NR5A2: variants seen among roughly 807,000 people sequenced by gnomAD.
The protein encoded by NR5A2 is nuclear receptor subfamily 5 group A member 2, also known as CYP7A promoter-binding factor.
In NR5A2, 26 loss-of-function variants were observed where a neutral mutation model predicts 62.7. The ratio of observed to expected loss-of-function variants is 0.41; its 90% confidence interval spans 0.30 to 0.58. The LOEUF (loss-of-function observed/expected upper bound fraction) is 0.58, where lower values mean the gene tolerates loss of function less well. Ranked by LOEUF, NR5A2 falls within the 20% of genes least tolerant of loss-of-function variation. NR5A2 has a pLI of 0.22. For missense variants in NR5A2, 541 were observed against 669.1 expected (o/e 0.81, Z 2.11); for synonymous variants, 246 against 241.7 (o/e 1.02, Z -0.16).
At chr1:200,041,378 G>A (rs1662073679) in intron 2 of NR5A2, among the ~76,000 whole-genome samples, 1 of 152,174 alleles carries the variant, frequency 6.6e-6, no homozygotes, top group Admixed American at 6.5e-5. Flanking sequence ...CCCATGGTTC[G>A]AAATCAGCAT....
At chr1:200,037,586 T>C (rs1661838221) in intron 1 of NR5A2, among the ~76,000 whole-genome samples, 1 of 152,186 alleles carries the variant, frequency 6.6e-6, no homozygotes, top group Admixed American at 6.5e-5. Context: ...TTTTCTTAGT[T>C]CTCAGTGATA....
intron 7 of NR5A2, among the ~76,000 whole-genome samples, chr1:200,168,047 A>G (rs977145989): frequency 6.6e-6 from 1 of 152,132 alleles, no homozygotes; most frequent in Non-Finnish European, 1.5e-5. Context: ...CTGAATGAAT[A>G]AATGAATGAA....
At chr1:200,170,558 T>C (rs1436166692) in intron 7 of NR5A2, among the ~76,000 whole-genome samples, 1 of 152,198 alleles carries the variant, frequency 6.6e-6, no homozygotes, top group African/African-American at 2.4e-5. Context: ...CTTCCATTGC[T>C]TTTAGGTCCT....
chr1:200,051,551 C>T (rs891210510), intron 5 of NR5A2, among the ~76,000 whole-genome samples: 6 of 152,092 alleles, frequency 3.9e-5, no homozygotes, highest in Non-Finnish European at 8.8e-5. Flanking sequence ...GAAAAAAGTA[C>T]AAACGTGAGG....
intron 7 of NR5A2, among the ~76,000 whole-genome samples, chr1:200,133,902 T>C (rs1667099750): frequency 6.6e-6 from 1 of 152,020 alleles, no homozygotes; most frequent in Non-Finnish European, 1.5e-5. Context: ...TGGGACAAGA[T>C]ATGGAGGTGG....
At chr1:200,173,068 C>G (rs964003653) in intron 7 of NR5A2, among the ~76,000 whole-genome samples, 1 of 152,102 alleles carries the variant, frequency 6.6e-6, no homozygotes, top group African/African-American at 2.4e-5. Context: ...TGCCTATTGT[C>G]TGTGTGTGTG....
intron 7 of NR5A2, among the ~76,000 whole-genome samples, chr1:200,156,933 G>A (rs930388098): frequency 3.3e-5 from 5 of 152,104 alleles, no homozygotes; most frequent in Non-Finnish European, 5.9e-5. Context: ...TAACCCCATC[G>A]TAAGTTGGAG....
chr1:200,076,408 ATTGT>A (rs1421215540), intron 5 of NR5A2, among the ~76,000 whole-genome samples: 1 of 151,676 alleles, frequency 6.6e-6, no homozygotes, highest in Non-Finnish European at 1.5e-5. Context: ...CCCAAATGAA[ATTGT>A]TTGTGGATGG....
intron 5 of NR5A2, among the ~76,000 whole-genome samples, chr1:200,069,879 C>T (rs79779092): frequency 6.6e-6 from 1 of 151,710 alleles, no homozygotes; most frequent in African/African-American, 2.4e-5. Context: ...CAATATTACA[C>T]GTGTCCATGA....
intron 7 of NR5A2, among the ~76,000 whole-genome samples, chr1:200,123,959 A>C (rs1324412653): frequency 6.6e-6 from 1 of 151,394 alleles, no homozygotes; most frequent in Non-Finnish European, 1.5e-5. Flanking sequence ...CTGCCACCAC[A>C]CCTGGCTAAT....
At chr1:200,080,120 T>A (rs1664229091) in intron 5 of NR5A2, among the ~76,000 whole-genome samples, 1 of 152,138 alleles carries the variant, frequency 6.6e-6, no homozygotes, top group Non-Finnish European at 1.5e-5. Flanking sequence ...AACAGACAGT[T>A]GGAAAAAGGT....
At chr1:200,027,991 C>A in intron 1 of NR5A2, 80 bp downstream of exon 1, 2 of 953,120 alleles carry the variant, frequency 2.1e-6, no homozygotes, top group Non-Finnish European at 3.1e-6. Flanking sequence ...ATGGATTTTG[C>A]ATTTTAAGTC....
At chr1:200,038,807 G>C (rs765788790) in intron 1 of NR5A2, 3 of 1,282,898 alleles carry the variant, frequency 2.3e-6, no homozygotes, top group Non-Finnish European at 3.1e-6. Flanking sequence ...CCCCCGCCCC[G>C]GGCCAGGGTG....
rs753174754 is a variant in NR5A2, at chr1:200,048,423, C to A, written c.715C>A (p.Pro239Thr). 6.2e-7 allele frequency: 1 copy of A among 1,614,186 alleles called. No homozygotes were observed. The highest frequency in any genetic ancestry group is 2.2e-5 in the East Asian group (1 of 44,890). ...ALPPTDYDRS[P>T]FVTSPISMTM... ...GCCTCCTACAGACTATGACAGAAGTCCCTTTGTAACATCCCCCATTAGCAT... is the reference window on the plus strand; with the variant it reads ...GCCTCCTACAGACTATGACAGAAGTACCTTTGTAACATCCCCCATTAGCAT... Residue 239 changes from proline (P) to threonine (T), a missense_variant, in exon 5 of 8, where the codon CCC (proline) becomes ACC (threonine). Coordinates refer to ENST00000367362, the MANE Select transcript of NR5A2 (RefSeq NM_205860.3). The surrounding 1 kb of genome is among the most constrained non-coding windows in gnomAD (Gnocchi z 4.8).
intron 7 of NR5A2, among the ~76,000 whole-genome samples, chr1:200,128,234 C>T (rs1243788580): frequency 1.3e-5 from 2 of 152,116 alleles, no homozygotes; most frequent in Admixed American, 1.3e-4. Context: ...TCTGTGAATA[C>T]TGTGTTCTTA....
chr1:200,147,856 T>C lies in NR5A2; in HGVS notation c.1379-26107T>C. The C allele has an allele frequency of 2.2e-6, 1 of 447,094 alleles. No individual in the cohort carries two copies. The highest frequency in any genetic ancestry group is 2.4e-5 in the South Asian group (1 of 42,522). The allele number at this position is 447,094 out of a possible 1,614,324, so 27.7% of individuals were successfully genotyped here. A position where few individuals can be genotyped will look rare whatever the true frequency, so the allele number is the denominator to read the frequency against. ...GCCATTGGTGAGCAGTATGGCCACCTGCTTGTAGGCGCAGTCCCCGGAGCG... is the reference window on the plus strand; with the variant it reads ...GCCATTGGTGAGCAGTATGGCCACCCGCTTGTAGGCGCAGTCCCCGGAGCG... On this transcript the variant is annotated intron_variant, in intron 7 of 7. Transcript: ENST00000367362. This position sits in a 1 kb window ranked among gnomAD's most constrained non-coding sequence, Gnocchi z 4.9.
At chr1:200,029,262 G>C (rs1050238115) in intron 1 of NR5A2, 1 of 190,670 alleles carries the variant, frequency 5.2e-6, no homozygotes, top group Non-Finnish European at 1.0e-5. Flanking sequence ...CGCGCGGGCG[G>C]TCTTGGGCTC....
At chr1:200,061,907 T>C (rs759125115) in intron 5 of NR5A2, among the ~76,000 whole-genome samples, 2 of 152,212 alleles carry the variant, frequency 1.3e-5, no homozygotes, top group African/African-American at 4.8e-5. Context: ...GCAGGATAAT[T>C]ACTTCATTTA....
intron 5 of NR5A2, among the ~76,000 whole-genome samples, chr1:200,087,329 T>A (rs1664599299): frequency 6.6e-6 from 1 of 152,172 alleles, no homozygotes; most frequent in Admixed American, 6.6e-5. Context: ...TCAATAGCCA[T>A]CTTTCCTCAT....
Sources: gnomAD v4.1 joint callset for allele counts (sites outside exome capture counted in the v4.1 genomes callset) on GRCh38, gnomAD v4.1.1 for gene constraint, Gnocchi (gnomAD v3.1) non-coding constraint, MANE v1.5 for transcripts, NCBI Gene and HGNC (gene_info 2026-07-23, HGNC 2026-07-21) for gene names.